Variants in VPS53 observed in about 807,000 individuals in gnomAD.
VPS53 encodes vacuolar protein sorting-associated protein 53 homolog.
VPS53 carries 70 observed loss-of-function variants against 107.0 expected under a neutral mutation model. The ratio of observed to expected loss-of-function variants is 0.65; its 90% CI spans 0.54 to 0.80. The LOEUF (loss-of-function observed/expected upper bound fraction) is 0.80. Ranked by LOEUF, VPS53 falls within the 30% of genes least tolerant of loss-of-function variation. VPS53 has a pLI of 0.00. For synonymous variants in VPS53, 409 were observed against 393.3 expected (o/e 1.04, Z -0.47); for missense variants, 917 against 1,049.4 (o/e 0.87, Z 1.74).
At position 514,666 on chromosome 17, in the gene VPS53, G is replaced by C. The variant is rs568386444; in HGVS notation, c.*4462C>G. 1 of 152,668 alleles carries C rather than the reference G, an allele frequency of 6.6e-6. No individual in the cohort carries two copies. The highest frequency in any genetic ancestry group is 1.5e-5 in the Non-Finnish European group (1 of 68,412). 9.5% of individuals were successfully genotyped at this position (152,668 alleles called of 1,614,324 possible). ...AACAGGGAACCAGGTCTCCTCATCC[G>C]ATGGCAATTCAGGAAGGGTTGGTGT... On this transcript the variant is annotated 3_prime_UTR_variant, in exon 22 of 22. Transcript: ENST00000437048.
chr17:668,957 A>G (rs1310892274), intron 4 of VPS53, among the ~76,000 whole-genome samples: 1 of 152,202 alleles, frequency 6.6e-6, no homozygotes, highest in Non-Finnish European at 1.5e-5. Context: ...CAAGATAGAT[A>G]AACTATGTGC....
chr17:695,382 C>T (rs764832173), intron 4 of VPS53, among the ~76,000 whole-genome samples: 22 of 152,034 alleles, frequency 1.4e-4, no homozygotes, highest in Non-Finnish European at 3.1e-4. Flanking sequence ...AATGCGGCGG[C>T]TTAAAGAAAT....
At position 570,080 on chromosome 17, in the gene VPS53, T is replaced by C. The variant is rs1466981977; in HGVS notation, c.1314-7335A>G. Among the ~76,000 whole-genome samples the C allele has an allele frequency of 2.0e-5, 3 of 151,720 alleles. No homozygotes were observed. The East Asian group carries it at 5.8e-4, about 29-fold the overall frequency. ...CTACACCAAGTAATAAAAACGAACA[T>C]CATAGGCTGGCCGTGGTAGCTCACG... On this transcript the variant is annotated intron_variant, in intron 13 of 21. Transcript: ENST00000437048.
chr17:553,353 G>A, intron 16 of VPS53, 27 bp downstream of exon 16: 2 of 1,609,422 alleles, frequency 1.2e-6, no homozygotes, highest in South Asian at 1.1e-5. Context: ...AGGGCAGGCA[G>A]CCAGTAAGTG....
At chr17:546,058 T>C (rs952699369) in intron 17 of VPS53, among the ~76,000 whole-genome samples, 1 of 152,160 alleles carries the variant, frequency 6.6e-6, no homozygotes, top group Non-Finnish European at 1.5e-5. Flanking sequence ...CACACATCTA[T>C]GGTTAACTGA....
chr17:666,745 CCT>C (rs772174244), intron 4 of VPS53, among the ~76,000 whole-genome samples: 18 of 152,022 alleles, frequency 1.2e-4, no homozygotes, highest in Middle Eastern at 3.4e-3. Flanking sequence ...TGGTGAAACC[CCT>C]GTCTCTACTA....
chr17:585,141 T>A (rs1967244861), intron 13 of VPS53, among the ~76,000 whole-genome samples: 1 of 152,164 alleles, frequency 6.6e-6, no homozygotes, highest in Non-Finnish European at 1.5e-5. Flanking sequence ...TAACTTCACA[T>A]TGAAGACAGT....
At chr17:620,165 T>C (rs571009562) in intron 11 of VPS53, among the ~76,000 whole-genome samples, 1 of 152,350 alleles carries the variant, frequency 6.6e-6, no homozygotes, top group South Asian at 2.1e-4. Context: ...AGCTGCATTT[T>C]ATTCTAATAA....
intron 4 of VPS53, among the ~76,000 whole-genome samples, chr17:665,629 C>T (rs1351088796): frequency 2.0e-5 from 3 of 152,090 alleles, no homozygotes; most frequent in East Asian, 1.9e-4. Flanking sequence ...CTGCTAAGGG[C>T]TCAGAAGAAA....
chr17:510,577 T>G lies in VPS53; in HGVS notation c.*8551A>C, dbSNP rs1907884047. Reference sequence around the variant, plus strand: ...ATCCTTGGGCCTGTCACTTACCCTCTTTGAGCCTCCAAGTCCCGTCCACTA... The same window carrying G: ...ATCCTTGGGCCTGTCACTTACCCTCGTTGAGCCTCCAAGTCCCGTCCACTA... On this transcript the variant is annotated 3_prime_UTR_variant, in exon 22 of 22. Transcript: ENST00000437048. 6.4e-6 allele frequency: 1 copy of G among 155,062 alleles called. No homozygotes were observed. Among genetic ancestry groups the G allele is most frequent in the Admixed American group, 6.5e-5 (1 of 15,304 alleles). The allele number at this position is 155,062 out of a possible 1,614,324, so 9.6% of individuals were successfully genotyped here.
intron 4 of VPS53, among the ~76,000 whole-genome samples, chr17:680,666 C>A (rs1972357828): frequency 6.6e-6 from 1 of 152,176 alleles, no homozygotes; most frequent in Non-Finnish European, 1.5e-5. Flanking sequence ...GGAAACAAGA[C>A]AACATTACAC....
At chr17:553,263 C>T in intron 16 of VPS53, 117 bp downstream of exon 16, 10 of 777,512 alleles carry the variant, frequency 1.3e-5, no homozygotes, top group South Asian at 1.2e-4. Flanking sequence ...CCACATGCTG[C>T]TGTGTAGTGG....
chr17:625,317 C>T (rs1016379741), intron 10 of VPS53, among the ~76,000 whole-genome samples: 2 of 152,000 alleles, frequency 1.3e-5, no homozygotes, highest in African/African-American at 4.8e-5. Flanking sequence ...AACAGCCACA[C>T]AGAATGGAGC....
chr17:644,821 C>G (rs1242394222), intron 7 of VPS53, among the ~76,000 whole-genome samples: 2 of 152,152 alleles, frequency 1.3e-5, no homozygotes, highest in Admixed American at 1.3e-4. Context: ...AGAGCTCAAG[C>G]GATCTGCCTG....
intron 17 of VPS53, among the ~76,000 whole-genome samples, chr17:549,714 C>T (rs1374792073): frequency 6.6e-6 from 1 of 152,122 alleles, no homozygotes; most frequent in African/African-American, 2.4e-5. Context: ...GTAGAGAATG[C>T]TTACCAGCAG....
chr17:697,654 C>T (rs908968189), intron 3 of VPS53, among the ~76,000 whole-genome samples, 170 bp from the exon 4 acceptor site: 4 of 151,732 alleles, frequency 2.6e-5, no homozygotes, highest in Non-Finnish European at 4.4e-5. Flanking sequence ...CAGCGACAGC[C>T]GTGCGGGAAG....
intron 4 of VPS53, among the ~76,000 whole-genome samples, chr17:671,149 T>G (rs572136013): frequency 2.6e-5 from 4 of 152,138 alleles, no homozygotes; most frequent in Admixed American, 6.5e-5. Context: ...GAGAATCGCC[T>G]GCACCTAGGA....
chr17:617,951 G>A (rs558997065), intron 11 of VPS53, among the ~76,000 whole-genome samples: 2 of 33,492 alleles, frequency 6.0e-5, no homozygotes, highest in African/African-American at 2.8e-4. Flanking sequence ...ACAGGCGTGC[G>A]CCACCACGCC....
At chr17:645,792 T>C (rs142015092) in intron 7 of VPS53, among the ~76,000 whole-genome samples, 27,216 of 142,462 alleles carry the variant, frequency 0.19, 2,808 homozygotes, top group Admixed American at 0.29. Flanking sequence ...TCCGTGACCG[T>C]GTGGCCACTG....
Sources: allele counts gnomAD v4.1 joint callset (sites outside exome capture counted in the v4.1 genomes callset), GRCh38; gene constraint gnomAD v4.1.1; transcripts MANE v1.5; gene names NCBI Gene and HGNC (gene_info 2026-07-23, HGNC 2026-07-21).